Variants in RBL1 observed in about 807,000 individuals in gnomAD.
RBL1 encodes RB transcriptional corepressor like 1.
Under a neutral mutation model 123.0 loss-of-function variants are expected in RBL1, and 82 were observed. That is an observed-to-expected ratio of 0.67 (90% confidence interval 0.56 to 0.80). RBL1 has a LOEUF of 0.80. Among genes scored for constraint, RBL1 ranks in the 30% least tolerant of loss-of-function variants. The pLI is 0.00. For synonymous variants in RBL1, 405 were observed against 441.3 expected, an observed-to-expected ratio of 0.92 and a Z score of 1.03; for missense variants, 1,171 against 1,299.6, an observed-to-expected ratio of 0.90 and a Z score of 1.52.
intron 19 of RBL1, among the ~76,000 whole-genome samples, chr20:37,009,160 G>T (rs2064116883): frequency 6.6e-6 from 1 of 152,126 alleles, no homozygotes; most frequent in Admixed American, 6.6e-5. Flanking sequence ...GGGTAGCTGG[G>T]ATTACAGAAG....
intron 11 of RBL1, among the ~76,000 whole-genome samples, chr20:37,052,053 G>C (rs1050297909): frequency 4.7e-5 from 7 of 150,054 alleles, no homozygotes; most frequent in South Asian, 4.2e-4. Context: ...TTTTTTTTTA[G>C]ATAGAGTCTC....
chr20:37,048,081 C>G (rs2064845679), intron 11 of RBL1, among the ~76,000 whole-genome samples: 1 of 152,142 alleles, frequency 6.6e-6, no homozygotes, highest in African/African-American at 2.4e-5. Context: ...AACTAGCAGT[C>G]ATTTGTAACT....
chr20:37,056,631 G>C (rs112623880), intron 9 of RBL1, among the ~76,000 whole-genome samples: 1,882 of 152,062 alleles, frequency 0.012, 43 homozygotes, highest in African/African-American at 0.043. Flanking sequence ...GGGATTACAG[G>C]CATGAGCCAC....
At chr20:37,078,942 G>C (rs2065406186) in intron 2 of RBL1, among the ~76,000 whole-genome samples, 1 of 151,948 alleles carries the variant, frequency 6.6e-6, no homozygotes, top group Admixed American at 6.6e-5. Flanking sequence ...ACTGTCATGG[G>C]TTCCTAGCAC....
At chr20:37,040,005 G>A (rs1247843496) in intron 14 of RBL1, 148 bp downstream of exon 14, 3 of 919,168 alleles carry the variant, frequency 3.3e-6, no homozygotes, top group Non-Finnish European at 5.0e-6. Context: ...CTACACAGGG[G>A]TGCTGGCACA....
At chr20:37,067,914 C>T (rs1600570779) in intron 3 of RBL1, 72 bp downstream of exon 3, 15 of 1,501,046 alleles carry the variant, frequency 1.0e-5, no homozygotes, top group Middle Eastern at 2.3e-4. Flanking sequence ...AAAAAACAGA[C>T]TTTCAAAAAA....
intron 18 of RBL1, 134 bp from the exon 19 acceptor site, chr20:37,018,503 G>A: frequency 1.6e-6 from 2 of 1,233,940 alleles, no homozygotes; most frequent in Non-Finnish European, 2.2e-6. Context: ...AGGGTAAAAT[G>A]TTATTAGCTC....
In RBL1 at chr20:37,095,972, TTCTC is replaced by T; in HGVS notation, c.-48_-45del. ...CTGCGCGCCACGGCCCCCGACTTCT[TTCTC>T]CCTCCCAGGCGCGCTACCCACAACC... On this transcript the variant is annotated 5_prime_UTR_variant, in exon 1 of 22. Coordinates refer to ENST00000373664, the MANE Select transcript of RBL1 (RefSeq NM_002895.5). The T allele has an allele frequency of 7.0e-7, 1 of 1,433,024 alleles. No homozygotes were observed. Among genetic ancestry groups the T allele is most frequent in the Non-Finnish European group, 9.3e-7 (1 of 1,079,578 alleles). The allele number at this position is 1,433,024 out of a possible 1,614,324, so 88.8% of individuals were successfully genotyped here.
chr20:37,001,356 G>A (rs1248489466), intron 21 of RBL1, among the ~76,000 whole-genome samples: 46 of 151,574 alleles, frequency 3.0e-4, no homozygotes, highest in Non-Finnish European at 6.0e-4. Flanking sequence ...AAATCGGATG[G>A]TTGCCATGTC....
intron 2 of RBL1, among the ~76,000 whole-genome samples, chr20:37,083,187 G>C (rs1020574056): frequency 6.6e-6 from 1 of 152,026 alleles, no homozygotes; most frequent in Non-Finnish European, 1.5e-5. Flanking sequence ...TTTGCGGAAG[G>C]CTGGGCGCGG....
At chr20:37,037,134 C>T (rs2064629150) in intron 14 of RBL1, among the ~76,000 whole-genome samples, 3 of 152,166 alleles carry the variant, frequency 2.0e-5, no homozygotes, top group African/African-American at 7.2e-5. Context: ...TACTCTTTTA[C>T]AAGAGTCCAT....
At chr20:37,005,635 A>G (rs2064057965) in intron 20 of RBL1, among the ~76,000 whole-genome samples, 1 of 152,216 alleles carries the variant, frequency 6.6e-6, no homozygotes, top group South Asian at 2.1e-4. Flanking sequence ...AAGTTGGATG[A>G]GCAAGGATTT....
chr20:37,068,425 G>A (rs1239211497), intron 2 of RBL1, among the ~76,000 whole-genome samples: 2 of 151,926 alleles, frequency 1.3e-5, no homozygotes, highest in Admixed American at 1.3e-4. Flanking sequence ...CCAGGATGTC[G>A]AGACTGCAGT....
Position 37,003,702 on chromosome 20 carries a change from C to CTTA in RBL1, c.3033_3035dup (p.Ser1011_Lys1012insAsn). ...CCAACTTTTAGCCTATTCACCTTAC[C>CTTA]TTAGAAGGGCTGCCATTGAACTTGT... On this transcript the variant is annotated inframe_insertion and splice_region_variant, in exon 21 of 22. Coordinates refer to ENST00000373664, the MANE Select transcript of RBL1 (RefSeq NM_002895.5). 6 of 1,605,132 alleles carry CTTA rather than the reference C, an allele frequency of 3.7e-6. No homozygotes were observed. The highest frequency in any genetic ancestry group is 5.1e-6 in the Non-Finnish European group (6 of 1,175,456).
At chr20:37,087,550 G>A (rs529190294) in intron 2 of RBL1, among the ~76,000 whole-genome samples, 1 of 152,278 alleles carries the variant, frequency 6.6e-6, no homozygotes, top group East Asian at 1.9e-4. Context: ...AGGTGCCACT[G>A]CACTCGAGGC....
chr20:37,035,128 G>A (rs1259244194), intron 15 of RBL1, 114 bp downstream of exon 15: 2 of 992,102 alleles, frequency 2.0e-6, no homozygotes, highest in Non-Finnish European at 2.8e-6. Flanking sequence ...AAAAAAAAAA[G>A]TATAGGTTCA....
At chr20:37,081,467 C>T (rs934070786) in intron 2 of RBL1, among the ~76,000 whole-genome samples, 2 of 151,994 alleles carry the variant, frequency 1.3e-5, no homozygotes, top group African/African-American at 4.8e-5. Context: ...AAAGCCAGAC[C>T]CAGTCTCTAA....
At chr20:37,012,728 G>A (rs2064180507) in intron 19 of RBL1, among the ~76,000 whole-genome samples, 1 of 150,638 alleles carries the variant, frequency 6.6e-6, no homozygotes, top group Admixed American at 6.6e-5. Flanking sequence ...CGCCCCGTCC[G>A]GGAGGGAGGT....
chr20:37,041,331 T>C (rs1206849624), intron 13 of RBL1, among the ~76,000 whole-genome samples: 3 of 151,676 alleles, frequency 2.0e-5, no homozygotes, highest in South Asian at 4.2e-4. Context: ...ATTCATTTAA[T>C]TTTTTTTTGA....
Sources: gnomAD v4.1 joint callset for allele counts (sites outside exome capture counted in the v4.1 genomes callset) on GRCh38, gnomAD v4.1.1 for gene constraint, MANE v1.5 for transcripts, NCBI Gene and HGNC (gene_info 2026-07-23, HGNC 2026-07-21) for gene names.